PRRC1: variants seen among roughly 807,000 people sequenced by gnomAD.
The protein encoded by PRRC1 is protein PRRC1.
A neutral mutation model predicts 40.7 loss-of-function variants in PRRC1; 39 were observed. That is an observed-to-expected ratio of 0.96 (90% CI 0.74 to 1.25). PRRC1 has a LOEUF of 1.25. Among genes scored for constraint, PRRC1 ranks in the 50% most tolerant of loss-of-function variants. PRRC1 has a pLI of 0.00. For missense variants in PRRC1, 573 were observed against 548.3 expected, an observed-to-expected ratio of 1.05 and a Z score of -0.45; for synonymous variants, 175 against 193.3, an observed-to-expected ratio of 0.91 and a Z score of 0.79.
Position 127,547,917 on chromosome 5 carries a change from A to C in PRRC1, c.1124A>C (p.Gln375Pro). Residue 375 changes from glutamine (Q) to proline (P), a missense_variant, in exon 8 of 9, where the codon CAG becomes CCG. Coordinates refer to ENST00000296666, the MANE Select transcript of PRRC1 (RefSeq NM_130809.5). The stretch of plus-strand genomic sequence containing the variant: ...ACACCAGTGCCTTTGGAATTTGTAC[A>C]GCAGGTTGGTTTTCTCCTTTGCTTT... ...QATPVPLEFV[Q>P]QAQSLTPQDY... The C allele has an allele frequency of 1.2e-6, 2 of 1,609,612 alleles. No homozygotes were observed. Among genetic ancestry groups the C allele is most frequent in the Non-Finnish European group, 1.7e-6 (2 of 1,175,938 alleles).
chr5:127,549,482 G>GA (rs1327243026), intron 8 of PRRC1: 1 of 152,142 alleles, frequency 6.6e-6, no homozygotes, highest in Non-Finnish European at 1.5e-5. Context: ...ATTGAAAGGA[G>GA]AAAAAAGATT....
chr5:127,525,061 A>G, intron 3 of PRRC1, 141 bp downstream of exon 3: 1 of 909,590 alleles, frequency 1.1e-6, no homozygotes, highest in East Asian at 2.7e-5. Flanking sequence ...GTTAGTTTAC[A>G]TCAGAATTGT....
rs144042656 is a variant in PRRC1, at chr5:127,551,926, T to C, written c.*10T>C. On this transcript the variant is annotated 3_prime_UTR_variant, in exon 9 of 9. Coordinates refer to ENST00000296666, the MANE Select transcript of PRRC1 (RefSeq NM_130809.5). ...ACCCAGGACAGTGTGAGAGGAGACC[T>C]ACCTGGGAGACTGAGACTTTCCCCC... The C allele has an allele frequency of 1.9e-6, 3 of 1,613,728 alleles. No individual in the cohort carries two copies. The highest frequency in any genetic ancestry group is 4.5e-5 in the East Asian group (2 of 44,876).
intron 7 of PRRC1, among the ~76,000 whole-genome samples, chr5:127,547,139 C>G (rs1355593638): frequency 6.6e-6 from 1 of 151,864 alleles, no homozygotes; most frequent in East Asian, 1.9e-4. Flanking sequence ...TTGAGGGTAT[C>G]TGGCTGTTTC....
rs753032789 is a variant in PRRC1, at chr5:127,519,670, A to C, written c.-21+1894A>C. ...TTACTAAACCAATAATTGGTTTAAC[A>C]TCATATTCTCTTTTCTCTTGGTATT... On this transcript the variant is annotated intron_variant, in intron 1 of 8. Coordinates refer to ENST00000296666, the MANE Select transcript of PRRC1 (RefSeq NM_130809.5). Among the ~76,000 whole-genome samples, 90 of 152,196 alleles carry C rather than the reference A, an allele frequency of 5.9e-4. 2 individuals carry two copies. Among genetic ancestry groups the C allele is most frequent in the Non-Finnish European group, 5.9e-5 (4 of 68,042 alleles).
intron 3 of PRRC1, 79 bp downstream of exon 3, chr5:127,524,999 A>C: frequency 1.5e-6 from 2 of 1,339,064 alleles, no homozygotes; most frequent in Non-Finnish European, 2.0e-6. Flanking sequence ...CTTTGTTGAG[A>C]TATAATTTAT....
chr5:127,535,771 G>A (rs963820785), intron 6 of PRRC1, among the ~76,000 whole-genome samples: 3 of 152,092 alleles, frequency 2.0e-5, no homozygotes, highest in Non-Finnish European at 4.4e-5. Flanking sequence ...TTAGAATGAG[G>A]TAATTGACAT....
At chr5:127,542,875 T>C (rs986651297) in intron 7 of PRRC1, among the ~76,000 whole-genome samples, 1 of 152,180 alleles carries the variant, frequency 6.6e-6, no homozygotes, top group African/African-American at 2.4e-5. Context: ...TCCACTTACA[T>C]TTAAAGTTAA....
At position 127,552,018 on chromosome 5, in the gene PRRC1, A is replaced by T. The variant is rs932210951; in HGVS notation, c.*102A>T. Reference sequence around the variant, plus strand: ...ATCGAATAGTCTAAATGAATCCAGTAGTTTTTATCATTTTCCTGTAGCCTG... The same window carrying T: ...ATCGAATAGTCTAAATGAATCCAGTTGTTTTTATCATTTTCCTGTAGCCTG... On this transcript the variant is annotated 3_prime_UTR_variant, in exon 9 of 9. Transcript: ENST00000296666. 1 of 1,502,616 alleles carries T rather than the reference A, an allele frequency of 6.7e-7. No homozygotes were observed. The highest frequency in any genetic ancestry group is 1.4e-5 in the African/African-American group (1 of 71,810). 93.1% of individuals were successfully genotyped at this position (1,502,616 alleles called of 1,614,324 possible).
Position 127,524,807 on chromosome 5 carries a change from GTCC to G in PRRC1, c.385_387del (p.Pro129del). 1 of 1,614,034 alleles carries G rather than the reference GTCC, an allele frequency of 6.2e-7. No individual in the cohort carries two copies. Among genetic ancestry groups the G allele is most frequent in the Non-Finnish European group, 8.5e-7 (1 of 1,180,020 alleles). On this transcript the variant is annotated inframe_deletion, in exon 3 of 9. Coordinates refer to ENST00000296666, the MANE Select transcript of PRRC1 (RefSeq NM_130809.5). ...ACTCTTTTACCTGCACCCCCTTCGG[GTCC>G]TCCTATATCAGGATTTTCTGTTGGT...
intron 6 of PRRC1, among the ~76,000 whole-genome samples, chr5:127,538,797 T>A (rs1767963370): frequency 6.6e-6 from 1 of 152,036 alleles, no homozygotes; most frequent in Non-Finnish European, 1.5e-5. Flanking sequence ...TAATCCACAA[T>A]AGCAACCAAC....
intron 7 of PRRC1, among the ~76,000 whole-genome samples, chr5:127,545,531 C>G (rs566343823): frequency 6.7e-6 from 1 of 150,264 alleles, no homozygotes; most frequent in African/African-American, 2.4e-5. Context: ...TAAACTATCA[C>G]AAGGACAAAA....
intron 8 of PRRC1, chr5:127,550,928 A>T (rs997548152): frequency 6.6e-6 from 1 of 152,204 alleles, no homozygotes; most frequent in African/African-American, 2.4e-5. Context: ...CAATTCAGTT[A>T]TCTTGGTGTC....
chr5:127,551,506 T>A (rs933105510), intron 8 of PRRC1: 11 of 570,954 alleles, frequency 1.9e-5, no homozygotes, highest in Admixed American at 6.3e-5. Context: ...GGATATTTTT[T>A]AAAAAATAGA....
intron 7 of PRRC1, among the ~76,000 whole-genome samples, chr5:127,546,169 C>G (rs1768214474): frequency 6.6e-6 from 1 of 152,126 alleles, no homozygotes. Flanking sequence ...ATTTTCTATT[C>G]ACCTGTCTTC....
At chr5:127,535,139 C>G (rs957830387) in intron 6 of PRRC1, among the ~76,000 whole-genome samples, 2 of 152,208 alleles carry the variant, frequency 1.3e-5, no homozygotes, top group Non-Finnish European at 2.9e-5. Context: ...CCTGTCAATA[C>G]ATAACTTTGT....
intron 7 of PRRC1, among the ~76,000 whole-genome samples, chr5:127,541,156 T>C (rs1031541015): frequency 2.5e-4 from 38 of 152,342 alleles, no homozygotes; most frequent in African/African-American, 9.1e-4. Flanking sequence ...TTTGGTTCTG[T>C]TTATATGCTG....
intron 7 of PRRC1, among the ~76,000 whole-genome samples, chr5:127,540,759 T>C (rs1162322631): frequency 6.6e-6 from 1 of 152,196 alleles, no homozygotes; most frequent in Non-Finnish European, 1.5e-5. Flanking sequence ...GAAGTGTCTG[T>C]TCATGTCCTT....
chr5:127,521,107 T>G (rs1214690479), intron 1 of PRRC1, among the ~76,000 whole-genome samples: 1 of 152,218 alleles, frequency 6.6e-6, no homozygotes, highest in African/African-American at 2.4e-5. Flanking sequence ...TGAGATCCTC[T>G]CCAAAGAACC....
Sources: gnomAD v4.1 joint callset for allele counts (sites outside exome capture counted in the v4.1 genomes callset) on GRCh38, gnomAD v4.1.1 for gene constraint, MANE v1.5 for transcripts, NCBI Gene and HGNC (gene_info 2026-07-23, HGNC 2026-07-21) for gene names.